HCN1: variants seen among roughly 807,000 people sequenced by gnomAD.
HCN1 encodes the protein potassium/sodium hyperpolarization-activated cyclic nucleotide-gated channel 1.
In HCN1, 13 loss-of-function variants were observed where a neutral mutation model predicts 78.9. The ratio of observed to expected loss-of-function variants is 0.16; its 90% confidence interval spans 0.11 to 0.26. HCN1 has a LOEUF of 0.26. Ranked by LOEUF, HCN1 falls within the 10% of genes least tolerant of loss-of-function variation. The pLI is 1.00. For missense variants in HCN1, 810 were observed against 1,154.3 expected (o/e 0.70, Z 4.32); for synonymous variants, 552 against 455.5 (o/e 1.21, Z -2.70).
intron 5 of HCN1, among the ~76,000 whole-genome samples, chr5:45,335,881 T>A (rs1746443567): frequency 6.6e-6 from 1 of 152,110 alleles, no homozygotes. Flanking sequence ...ATCTAGTTAG[T>A]AGCGGAGCTG....
chr5:45,590,215 C>T (rs1292902648), intron 2 of HCN1, among the ~76,000 whole-genome samples: 3 of 152,106 alleles, frequency 2.0e-5, no homozygotes, highest in Non-Finnish European at 2.9e-5. Context: ...AAAGTTCATT[C>T]CATAAAATAC....
At chr5:45,314,211 A>T (rs1379261532) in intron 5 of HCN1, among the ~76,000 whole-genome samples, 1 of 152,192 alleles carries the variant, frequency 6.6e-6, no homozygotes, top group Non-Finnish European at 1.5e-5. Flanking sequence ...CCCATATTCA[A>T]CATTCTTAAA....
intron 3 of HCN1, among the ~76,000 whole-genome samples, chr5:45,398,487 T>G (rs1365638311): frequency 6.6e-6 from 1 of 152,170 alleles, no homozygotes; most frequent in Non-Finnish European, 1.5e-5. Flanking sequence ...TTGTCACATG[T>G]GTAGGTTCAT....
chr5:45,351,156 T>A (rs1161629083), intron 5 of HCN1, among the ~76,000 whole-genome samples: 5 of 152,094 alleles, frequency 3.3e-5, no homozygotes, highest in Non-Finnish European at 7.3e-5. Flanking sequence ...CAAAACAGCA[T>A]GGTACTGATA....
At chr5:45,307,289 T>A (rs1038374928) in intron 5 of HCN1, among the ~76,000 whole-genome samples, 1 of 152,116 alleles carries the variant, frequency 6.6e-6, no homozygotes, top group Admixed American at 6.6e-5. Context: ...ATAATTCATA[T>A]AAGCACTCCT....
Position 45,368,295 on chromosome 5 carries a change from C to A in HCN1, c.1231-15049G>T, listed in dbSNP as rs1342011173. On this transcript the variant is annotated intron_variant, in intron 4 of 7. Coordinates refer to ENST00000303230, the MANE Select transcript of HCN1 (RefSeq NM_021072.4). ...ATGATCTTAAGGAGACACATTTAATCCATAGTCACTGCTAATGAACATTTT... is the reference window on the plus strand; with the variant it reads ...ATGATCTTAAGGAGACACATTTAATACATAGTCACTGCTAATGAACATTTT... Among the ~76,000 whole-genome samples, 23 of 151,942 alleles carry A rather than the reference C, an allele frequency of 1.5e-4. 1 individual carries two copies. The Admixed American group carries it at 1.5e-3, about 10-fold the overall frequency.
chr5:45,399,908 C>T (rs938960002), intron 3 of HCN1, among the ~76,000 whole-genome samples: 2 of 151,996 alleles, frequency 1.3e-5, no homozygotes, highest in African/African-American at 4.8e-5. Flanking sequence ...TTAATATGTA[C>T]ATAGTATAAT....
chr5:45,684,847 G>C (rs1285644853), intron 1 of HCN1, among the ~76,000 whole-genome samples: 1 of 152,112 alleles, frequency 6.6e-6, no homozygotes, highest in Admixed American at 6.6e-5. Context: ...GTGTAACAAA[G>C]CAAGACTCTG....
chr5:45,444,621 T>C (rs991386454), intron 3 of HCN1, among the ~76,000 whole-genome samples: 2 of 152,120 alleles, frequency 1.3e-5, no homozygotes, highest in African/African-American at 4.8e-5. Context: ...ATGTTTGTCA[T>C]ATGAAATCCA....
chr5:45,653,541 T>C (rs1051493617), intron 1 of HCN1, among the ~76,000 whole-genome samples: 1 of 152,104 alleles, frequency 6.6e-6, no homozygotes, highest in South Asian at 2.1e-4. Context: ...GATTTCCCAA[T>C]GATCAAATTC....
chr5:45,484,192 G>A (rs563344009), intron 2 of HCN1, among the ~76,000 whole-genome samples: 8 of 152,222 alleles, frequency 5.3e-5, no homozygotes, highest in African/African-American at 1.9e-4. Flanking sequence ...CATCACTTTG[G>A]GAGGCTGAGG....
At chr5:45,459,190 C>T (rs182286583) in intron 3 of HCN1, among the ~76,000 whole-genome samples, 118 of 151,856 alleles carry the variant, frequency 7.8e-4, no homozygotes, top group Middle Eastern at 3.4e-3. Flanking sequence ...GATCACATGA[C>T]TCCAGGAGTT....
chr5:45,444,347 T>C (rs1740741821), intron 3 of HCN1, among the ~76,000 whole-genome samples: 1 of 152,182 alleles, frequency 6.6e-6, no homozygotes, highest in South Asian at 2.1e-4. Flanking sequence ...TATTTACATT[T>C]CAAAGAAGTA....
intron 1 of HCN1, among the ~76,000 whole-genome samples, chr5:45,649,386 A>G (rs1490397499): frequency 6.6e-6 from 1 of 152,114 alleles, no homozygotes; most frequent in Non-Finnish European, 1.5e-5. Flanking sequence ...CATAAAAAAA[A>G]AATTGTTACA....
At chr5:45,387,416 T>C (rs1033827052) in intron 4 of HCN1, among the ~76,000 whole-genome samples, 1 of 152,128 alleles carries the variant, frequency 6.6e-6, no homozygotes, top group Non-Finnish European at 1.5e-5. Flanking sequence ...CAGATTACAA[T>C]TGAAAATTCA....
intron 6 of HCN1, among the ~76,000 whole-genome samples, chr5:45,269,482 A>C (rs1184970542): frequency 6.6e-6 from 1 of 151,970 alleles, no homozygotes; most frequent in African/African-American, 2.4e-5. Flanking sequence ...TTCTTTTGGT[A>C]ATCTATTGAT....
intron 1 of HCN1, among the ~76,000 whole-genome samples, chr5:45,673,386 C>T (rs1452937287): frequency 6.6e-6 from 1 of 151,532 alleles, no homozygotes; most frequent in Non-Finnish European, 1.5e-5. Flanking sequence ...AAGGAATGCA[C>T]ATTAATGGCC....
chr5:45,483,531 G>A (rs959901032), intron 2 of HCN1, among the ~76,000 whole-genome samples: 5 of 152,018 alleles, frequency 3.3e-5, no homozygotes, highest in African/African-American at 7.2e-5. Flanking sequence ...AGGCTTTGTC[G>A]GATGCATAGT....
intron 6 of HCN1, among the ~76,000 whole-genome samples, chr5:45,286,288 C>T (rs1052116467): frequency 1.3e-5 from 2 of 151,882 alleles, no homozygotes; most frequent in Non-Finnish European, 1.5e-5. Context: ...AGTACATGCA[C>T]AACTATGAAT....
Sources: allele counts gnomAD v4.1 joint callset (sites outside exome capture counted in the v4.1 genomes callset), GRCh38; gene constraint gnomAD v4.1.1; transcripts MANE v1.5; gene names NCBI Gene and HGNC (gene_info 2026-07-23, HGNC 2026-07-21).